Variants in FIGN observed in about 807,000 individuals in gnomAD.
FIGN encodes the protein fidgetin.
Under a neutral mutation model 51.3 loss-of-function variants are expected in FIGN, and 11 were observed. The ratio of observed to expected loss-of-function variants is 0.21; its 90% CI spans 0.13 to 0.35. The LOEUF (loss-of-function observed/expected upper bound fraction) is 0.35, where lower values mean the gene tolerates loss of function less well. FIGN is among the 10% of genes least tolerant of loss of function. The probability of loss-of-function intolerance (pLI) is 1.00; values close to 1 mark genes in which losing one functional copy is unlikely to be tolerated. For synonymous variants in FIGN, 407 were observed against 363.2 expected, an observed-to-expected ratio of 1.12 and a Z score of -1.37; for missense variants, 857 against 943.6, an observed-to-expected ratio of 0.91 and a Z score of 1.20.
intron 2 of FIGN, among the ~76,000 whole-genome samples, chr2:163,663,943 G>A (rs1302559703): frequency 1.3e-5 from 2 of 151,874 alleles, no homozygotes; most frequent in Non-Finnish European, 2.9e-5. Flanking sequence ...ACAAAATGAC[G>A]ACTTACGAGT....
chr2:163,643,257 C>T (rs1262209116), intron 2 of FIGN, among the ~76,000 whole-genome samples: 1 of 152,150 alleles, frequency 6.6e-6, no homozygotes, highest in Non-Finnish European at 1.5e-5. Flanking sequence ...TCTACCAGAA[C>T]ATGAAGACTT....
intron 2 of FIGN, among the ~76,000 whole-genome samples, chr2:163,674,261 C>T (rs992555710): frequency 2.0e-5 from 3 of 151,996 alleles, no homozygotes; most frequent in African/African-American, 7.2e-5. Flanking sequence ...GCTGAATGTG[C>T]GTGTGTGCGT....
Position 163,674,295 on chromosome 2 carries a change from TTG to T in FIGN, c.25+60606_25+60607del, listed in dbSNP as rs375848195. ...GTGCGTGTGTGTTTTACAGTTTTTG[TTG>T]TGTTTTGTTTTACACAAATGAATTA... On this transcript the variant is annotated intron_variant, in intron 2 of 2. Coordinates refer to ENST00000333129, the MANE Select transcript of FIGN (RefSeq NM_018086.4). Among the ~76,000 whole-genome samples the T allele has an allele frequency of 2.4e-3, 360 of 152,310 alleles. 9 individuals are homozygous for T. In the South Asian group the frequency reaches 0.05, roughly 21 times the overall value.
At position 163,610,815 on chromosome 2, in the gene FIGN, G is replaced by A. The variant is rs752412777; in HGVS notation, c.1017C>T (p.Gly339=). 2.0e-6 allele frequency: 3 copies of A among 1,500,292 alleles called. No homozygotes were observed. In the East Asian group the frequency reaches 7.3e-5, roughly 37 times the overall value. 92.9% of individuals were successfully genotyped at this position (1,500,292 alleles called of 1,614,324 possible). The change falls in exon 3 of 3, where the codon GGC becomes GGT. Residue 339 remains glycine, a synonymous_variant. Transcript: ENST00000333129. The stretch of plus-strand genomic sequence containing the variant: ...TAGGACTCTGTGTAGATCTCTGTTG[G>A]CCATAGCTGTAATTTCCATAACTGG... ...MDSSYGNYSY[G]QQRSTQSPMY...
intron 2 of FIGN, among the ~76,000 whole-genome samples, chr2:163,726,924 T>A (rs1194912510): frequency 6.6e-6 from 1 of 152,090 alleles, no homozygotes; most frequent in Non-Finnish European, 1.5e-5. Context: ...ATTTGTTTGA[T>A]CTGAAAATGG....
At chr2:163,666,945 A>T (rs1683785031) in intron 2 of FIGN, among the ~76,000 whole-genome samples, 1 of 151,910 alleles carries the variant, frequency 6.6e-6, no homozygotes, top group Non-Finnish European at 1.5e-5. Context: ...CTATATATTT[A>T]TGTGTGTGTA....
rs1691184842 is a variant in FIGN at position 163,609,599 on chromosome 2, G to A, written c.2233C>T (p.Leu745Phe). Reference sequence around the variant, plus strand: ...TTGTTCCATTCAACATACATATCAAGCTCCTTTTGAGATATGCTAGGCTGA... The same window carrying A: ...TTGTTCCATTCAACATACATATCAAACTCCTTTTGAGATATGCTAGGCTGA... ...KIQPSISQKE[L>F]DMYVEWNKMF... The change falls in exon 3 of 3, where the codon CTT (leucine) becomes TTT (phenylalanine). Residue 745 changes from leucine (L) to phenylalanine (F), a missense_variant. Physicochemically the swap from Leu to Phe is conservative, Grantham distance 22. This residue lies in a region of FIGN where 799 missense variants were observed against 849.5 expected (regional missense o/e 0.94). Transcript: ENST00000333129. The A allele has an allele frequency of 1.2e-6, 2 of 1,613,864 alleles. No individual in the cohort carries two copies. The highest frequency in any genetic ancestry group is 1.7e-6 in the Non-Finnish European group (2 of 1,179,974).
chr2:163,623,582 T>C (rs1305715808), intron 2 of FIGN, among the ~76,000 whole-genome samples: 1 of 152,190 alleles, frequency 6.6e-6, no homozygotes. Context: ...ATAGAATTAA[T>C]GGTGAGTCAT....
intron 2 of FIGN, among the ~76,000 whole-genome samples, chr2:163,641,452 C>T (rs888755136): frequency 5.9e-5 from 9 of 152,174 alleles, no homozygotes; most frequent in African/African-American, 1.9e-4. Context: ...TAGTTTAGCC[C>T]CTTCATCTTA....
intron 2 of FIGN, among the ~76,000 whole-genome samples, chr2:163,643,242 GA>G (rs1419236375): frequency 6.6e-6 from 1 of 152,174 alleles, no homozygotes; most frequent in Non-Finnish European, 1.5e-5. Flanking sequence ...ATGGGCAACT[GA>G]TTTTCTACCA....
chr2:163,613,675 G>A (rs555030948), intron 2 of FIGN, among the ~76,000 whole-genome samples: 5 of 152,320 alleles, frequency 3.3e-5, no homozygotes, highest in Admixed American at 2.6e-4. Context: ...AATCATGCCA[G>A]GGCTGGCACT....
intron 2 of FIGN, among the ~76,000 whole-genome samples, chr2:163,683,817 G>A (rs1684102329): frequency 6.6e-6 from 1 of 152,138 alleles, no homozygotes; most frequent in Non-Finnish European, 1.5e-5. Context: ...GTAATGGCAG[G>A]CCTAGAGAAC....
intron 2 of FIGN, among the ~76,000 whole-genome samples, chr2:163,622,698 A>T (rs1682993734): frequency 6.6e-6 from 1 of 152,038 alleles, no homozygotes; most frequent in Admixed American, 6.6e-5. Context: ...AGTAGCTGGG[A>T]CTACAGGCTC....
At chr2:163,636,570 C>T (rs2105313911) in intron 2 of FIGN, among the ~76,000 whole-genome samples, 1 of 152,284 alleles carries the variant, frequency 6.6e-6, no homozygotes, top group East Asian at 1.9e-4. Flanking sequence ...CAGGCGTGAG[C>T]CACTGCTCCC....
intron 2 of FIGN, among the ~76,000 whole-genome samples, chr2:163,699,592 C>T (rs531418518): frequency 1.1e-4 from 17 of 152,130 alleles, no homozygotes; most frequent in South Asian, 4.1e-4. Flanking sequence ...AAAATAATGA[C>T]GCAAAAATTC....
At chr2:163,721,139 A>G (rs79330971) in intron 2 of FIGN, among the ~76,000 whole-genome samples, 1,876 of 152,268 alleles carry the variant, frequency 0.012, 15 homozygotes, top group Non-Finnish European at 0.02. Context: ...ATTTTCTTCT[A>G]CCAGAAGGGT....
intron 2 of FIGN, among the ~76,000 whole-genome samples, chr2:163,679,401 C>T (rs1030828147): frequency 2.6e-5 from 4 of 151,628 alleles, no homozygotes; most frequent in Admixed American, 2.0e-4. Context: ...GAGGCTGAGG[C>T]AGGAGAATGG....
intron 2 of FIGN, among the ~76,000 whole-genome samples, chr2:163,662,869 C>A (rs1289286214): frequency 2.0e-5 from 3 of 152,174 alleles, no homozygotes; most frequent in South Asian, 2.1e-4. Context: ...ATGGATTTAT[C>A]AGGGATTTCT....
intron 2 of FIGN, among the ~76,000 whole-genome samples, chr2:163,645,201 T>C (rs1050936602): frequency 2.0e-5 from 3 of 152,116 alleles, no homozygotes; most frequent in Admixed American, 6.5e-5. Flanking sequence ...TGGAACACTA[T>C]ATGCAAAGGC....
Sources: allele counts gnomAD v4.1 joint callset (sites outside exome capture counted in the v4.1 genomes callset), GRCh38; gene constraint gnomAD v4.1.1; regional missense constraint gnomAD v4.1.1; transcripts MANE v1.5; gene names NCBI Gene and HGNC (gene_info 2026-07-23, HGNC 2026-07-21).